The following KMT2C variants were observed in gnomAD, a reference collection of about 807,000 sequenced individuals.
The protein encoded by KMT2C is histone-lysine N-methyltransferase 2C.
KMT2C carries 88 observed loss-of-function variants against 507.9 expected under a neutral mutation model. That is an observed-to-expected ratio of 0.17 (90% CI 0.15 to 0.21). The LOEUF (loss-of-function observed/expected upper bound fraction) is 0.21, where lower values mean the gene tolerates loss of function less well. Among genes scored for constraint, KMT2C ranks in the 10% least tolerant of loss-of-function variants. KMT2C has a pLI of 1.00. For missense variants in KMT2C, 4,954 were observed against 5,957.8 expected (o/e 0.83, Z 5.55); for synonymous variants, 2,049 against 2,080.8 (o/e 0.98, Z 0.42).
chr7:152,303,082 G>A (rs2096585287), intron 6 of KMT2C, among the ~76,000 whole-genome samples: 1 of 150,440 alleles, frequency 6.6e-6, no homozygotes, highest in Non-Finnish European at 1.5e-5. Context: ...GAAATTAAAA[G>A]AAAAACGACG....
chr7:152,150,814 GA>G (rs1174540817), intron 51 of KMT2C, 85 bp downstream of exon 51: 2 of 908,324 alleles, frequency 2.2e-6, no homozygotes, highest in Non-Finnish European at 3.6e-6. Context: ...TGAAGGCAGG[GA>G]CACATCTTTA....
chr7:152,430,431 T>C (rs1430787792), intron 1 of KMT2C, among the ~76,000 whole-genome samples: 1 of 151,620 alleles, frequency 6.6e-6, no homozygotes, highest in African/African-American at 2.4e-5. Flanking sequence ...CCATGGCAGC[T>C]AAAAGTTGTT....
At chr7:152,313,335 A>G (rs1043414197) in intron 4 of KMT2C, among the ~76,000 whole-genome samples, 5 of 152,094 alleles carry the variant, frequency 3.3e-5, no homozygotes, top group African/African-American at 4.8e-5. Context: ...GGTGTAAAAA[A>G]ACCAAGAGAA....
intron 3 of KMT2C, among the ~76,000 whole-genome samples, chr7:152,328,687 G>C (rs1167932886): frequency 6.6e-6 from 1 of 152,128 alleles, no homozygotes; most frequent in Non-Finnish European, 1.5e-5. Context: ...GAAGCAGAAA[G>C]ACTGGTTAAA....
intron 56 of KMT2C, 84 bp from the exon 57 acceptor site, chr7:152,139,343 C>T (rs570624571): frequency 1.0e-5 from 13 of 1,238,158 alleles, no homozygotes; most frequent in South Asian, 9.7e-5. Flanking sequence ...AGGACTCAGT[C>T]GAAACTGAAC....
chr7:152,300,335 A>T (rs1479657741), intron 6 of KMT2C, among the ~76,000 whole-genome samples: 2 of 152,236 alleles, frequency 1.3e-5, no homozygotes, highest in African/African-American at 4.8e-5. Context: ...ATCATGGTTT[A>T]CTATATCTAG....
At chr7:152,171,033 TA>T (rs2092938717) in intron 40 of KMT2C, among the ~76,000 whole-genome samples, 1 of 152,240 alleles carries the variant, frequency 6.6e-6, no homozygotes, top group Admixed American at 6.5e-5. Context: ...TAAAAAGCAG[TA>T]AAGTGTCTTT....
intron 1 of KMT2C, among the ~76,000 whole-genome samples, chr7:152,433,426 A>ACCT (rs1216063893): frequency 2.2e-5 from 2 of 90,416 alleles, no homozygotes; most frequent in Non-Finnish European, 4.0e-5. Flanking sequence ...CAATTCAAAA[A>ACCT]CCTCTTTGCT....
chr7:152,195,873 A>C (rs2093946629), intron 28 of KMT2C, 34 bp downstream of exon 28: 1 of 1,252,376 alleles, frequency 8.0e-7, no homozygotes, highest in Non-Finnish European at 1.1e-6. Context: ...TCACATCAGA[A>C]ACCAGAAAAA....
In KMT2C at chr7:152,180,096, G is replaced by C. The variant is rs2093380803; in HGVS notation, c.7180C>G (p.Gln2394Glu). ...RQKLREIILQ[Q>E]QQQKKIAGRQ... Reference sequence around the variant, plus strand: ...CCTGCAATCTTCTTCTGCTGTTGCTGCTGGAGAATGATTTCACGTAACTTC... The same window carrying C: ...CCTGCAATCTTCTTCTGCTGTTGCTCCTGGAGAATGATTTCACGTAACTTC... Residue 2394 changes from glutamine to glutamate, a missense_variant, in exon 37 of 59, where the codon CAG becomes GAG. This residue lies in a region of KMT2C where 1,689 missense variants were observed against 1,654.3 expected (regional missense o/e 1.02). Coordinates refer to ENST00000262189, the MANE Select transcript of KMT2C (RefSeq NM_170606.3). 4 of 1,614,156 alleles carry C rather than the reference G, an allele frequency of 2.5e-6. No individual in the cohort carries two copies. The highest frequency in any genetic ancestry group is 3.4e-6 in the Non-Finnish European group (4 of 1,180,030).
intron 9 of KMT2C, among the ~76,000 whole-genome samples, chr7:152,258,908 T>C (rs1190352534): frequency 1.3e-5 from 2 of 152,154 alleles, no homozygotes; most frequent in Non-Finnish European, 2.9e-5. Flanking sequence ...CCTTACATAC[T>C]GCTTTATTAG....
chr7:152,159,607 C>CAA (rs2092322505), intron 43 of KMT2C, among the ~76,000 whole-genome samples: 1 of 152,200 alleles, frequency 6.6e-6, no homozygotes, highest in African/African-American at 2.4e-5. Context: ...ACTGGTTCTT[C>CAA]AAATTAGTTC....
intron 2 of KMT2C, among the ~76,000 whole-genome samples, chr7:152,348,547 C>T (rs1269238517): frequency 2.2e-5 from 3 of 138,236 alleles, no homozygotes; most frequent in Non-Finnish European, 1.5e-5. Context: ...TGCAGTGAGC[C>T]GAGATTGTGC....
intron 6 of KMT2C, among the ~76,000 whole-genome samples, chr7:152,308,673 C>CAAAGAAAAAA (rs2096641907): frequency 8.1e-5 from 2 of 24,558 alleles, no homozygotes; most frequent in Non-Finnish European, 1.5e-4. Context: ...AAACTCCTCT[C>CAAAGAAAAAA]AAAAAAAAAA....
intron 1 of KMT2C, among the ~76,000 whole-genome samples, chr7:152,376,299 T>C (rs2097328481): frequency 6.6e-6 from 1 of 152,178 alleles, no homozygotes; most frequent in South Asian, 2.1e-4. Flanking sequence ...AATCCTACAA[T>C]GGCCTCAAAC....
At chr7:152,390,455 C>A in intron 1 of KMT2C, among the ~76,000 whole-genome samples, 1 of 148,348 alleles carries the variant, frequency 6.7e-6, no homozygotes, top group South Asian at 2.2e-4. Flanking sequence ...GTAATAGCTA[C>A]GAAGTATACA....
intron 6 of KMT2C, among the ~76,000 whole-genome samples, chr7:152,304,345 C>A (rs2129195327): frequency 6.6e-6 from 1 of 151,464 alleles, no homozygotes; most frequent in East Asian, 1.9e-4. Context: ...TTCACCCTCT[C>A]TAATAAAAAT....
At chr7:152,227,333 G>T (rs980499267) in intron 18 of KMT2C, among the ~76,000 whole-genome samples, 18 of 152,152 alleles carry the variant, frequency 1.2e-4, no homozygotes, top group African/African-American at 4.1e-4. Flanking sequence ...ATGTCATCCA[G>T]GATTCCATCC....
intron 3 of KMT2C, among the ~76,000 whole-genome samples, chr7:152,321,497 G>A (rs555553725): frequency 2.0e-5 from 3 of 151,818 alleles, no homozygotes; most frequent in Non-Finnish European, 4.4e-5. Context: ...ATTTGCTGAT[G>A]GCATGATCTT....
Sources: allele counts gnomAD v4.1 joint callset (sites outside exome capture counted in the v4.1 genomes callset), GRCh38; gene constraint gnomAD v4.1.1; regional missense constraint gnomAD v4.1.1; transcripts MANE v1.5; gene names NCBI Gene and HGNC (gene_info 2026-07-23, HGNC 2026-07-21).